The following GARIN1B variants were observed in gnomAD, a reference collection of about 807,000 sequenced individuals.
GARIN1B encodes golgi associated RAB2 interactor 1B.
the GARIN1B span, among the ~76,000 whole-genome samples, chr7:128,724,164 C>T: frequency 2.0e-5 from 3 of 151,664 alleles, no homozygotes; most frequent in African/African-American, 7.3e-5. Context: ...ACACACATCA[C>T]CACGCCCAGC....
chr7:128,718,699 A>T, the GARIN1B span: 1 of 1,113,540 alleles, frequency 9.0e-7, no homozygotes, highest in South Asian at 1.5e-5. Context: ...ATTGAGCAGC[A>T]CTGTGCTAAA....
At chr7:128,730,130 C>A in the GARIN1B span, 3 of 1,562,130 alleles carry the variant, frequency 1.9e-6, no homozygotes, top group Non-Finnish European at 2.6e-6. Flanking sequence ...AGCCTCAGGG[C>A]TGGGTCAGAT....
At chr7:128,716,016 G>A in the GARIN1B span, among the ~76,000 whole-genome samples, 3 of 152,312 alleles carry the variant, frequency 2.0e-5, no homozygotes, top group Admixed American at 6.5e-5. Flanking sequence ...AAAAAGAGAC[G>A]CTTCTTGAGA....
chr7:128,717,062 T>C, the GARIN1B span: 1 of 1,430,976 alleles, frequency 7.0e-7, no homozygotes. Context: ...TGGAGGTTGC[T>C]TGACTACTAA....
chr7:128,731,201 G>C, the GARIN1B span: 1 of 1,276,138 alleles, frequency 7.8e-7, no homozygotes, highest in Non-Finnish European at 1.1e-6. Context: ...TCGGGATGGA[G>C]AGTAGGAGAA....
the GARIN1B span, chr7:128,718,817 C>T: frequency 6.2e-7 from 1 of 1,610,636 alleles, no homozygotes; most frequent in African/African-American, 1.3e-5. Context: ...GTGTGTCTTC[C>T]CTGGTGGCTT....
At chr7:128,731,336 C>T in the GARIN1B span, 3 of 603,288 alleles carry the variant, frequency 5.0e-6, no homozygotes, top group East Asian at 8.4e-5. Context: ...CAGAGCTGGC[C>T]TAGCAAGATG....
the GARIN1B span, chr7:128,718,819 T>C: frequency 6.2e-7 from 1 of 1,611,278 alleles, no homozygotes; most frequent in Non-Finnish European, 8.5e-7. Flanking sequence ...GTGTCTTCCC[T>C]GGTGGCTTCA....
At chr7:128,712,975 CCT>C in the GARIN1B span, among the ~76,000 whole-genome samples, 91 of 152,212 alleles carry the variant, frequency 6.0e-4, no homozygotes, top group Non-Finnish European at 3.7e-4. Context: ...TTACAGGAGA[CCT>C]GTGCCCAACT....
the GARIN1B span, chr7:128,715,293 C>T: frequency 3.4e-6 from 5 of 1,456,724 alleles, no homozygotes; most frequent in Admixed American, 2.7e-5. Context: ...CTTCCCCTTC[C>T]TGCAGGTCTG....
At chr7:128,727,883 T>G in the GARIN1B span, among the ~76,000 whole-genome samples, 5 of 152,224 alleles carry the variant, frequency 3.3e-5, no homozygotes, top group Non-Finnish European at 7.3e-5. Flanking sequence ...TTTATAGGTT[T>G]GAGGGATATT....
chr7:128,719,890 G>T, the GARIN1B span, among the ~76,000 whole-genome samples: 1 of 151,574 alleles, frequency 6.6e-6, no homozygotes, highest in African/African-American at 2.4e-5. Flanking sequence ...AGTAGAGATG[G>T]GGTTTCACCA....
At chr7:128,723,249 T>TC in the GARIN1B span, 1 of 1,613,170 alleles carries the variant, frequency 6.2e-7, no homozygotes, top group Non-Finnish European at 8.5e-7. Context: ...CTCATTCAGC[T>TC]AATGACCAAG....
the GARIN1B span, chr7:128,731,296 C>T: frequency 1.5e-6 from 1 of 672,774 alleles, no homozygotes; most frequent in Non-Finnish European, 2.7e-6. Context: ...CGCCACTGCA[C>T]CTCGGCATAT....
the GARIN1B span, among the ~76,000 whole-genome samples, chr7:128,710,903 C>T: frequency 3.9e-5 from 6 of 152,158 alleles, no homozygotes; most frequent in Non-Finnish European, 8.8e-5. Flanking sequence ...GGTGATCCGC[C>T]CGCCTCAGCC....
At chr7:128,730,803 C>T in the GARIN1B span, among the ~76,000 whole-genome samples, 44 of 152,114 alleles carry the variant, frequency 2.9e-4, 1 homozygote, top group East Asian at 1.9e-3. Context: ...TGCACCACCA[C>T]GCCCAGCTAA....
At chr7:128,720,994 AAAAAAAAACC>A in the GARIN1B span, among the ~76,000 whole-genome samples, 342 of 126,396 alleles carry the variant, frequency 2.7e-3, no homozygotes, top group African/African-American at 9.2e-3. Flanking sequence ...AATTTCCACA[AAAAAAAAACC>A]TGTTAGAATT....
the GARIN1B span, among the ~76,000 whole-genome samples, chr7:128,724,290 C>T: frequency 6.6e-5 from 10 of 152,316 alleles, no homozygotes; most frequent in Admixed American, 3.9e-4. Flanking sequence ...GGACTACAGG[C>T]GTGAGCCACT....
chr7:128,728,050 G>A, the GARIN1B span, among the ~76,000 whole-genome samples: 1 of 152,080 alleles, frequency 6.6e-6, no homozygotes, highest in South Asian at 2.1e-4. Context: ...AATATCATAA[G>A]ATATTTATAA....
Sources: gnomAD v4.1 joint callset for allele counts (sites outside exome capture counted in the v4.1 genomes callset) on GRCh38, gnomAD v4.1.1 for gene constraint, MANE v1.5 for transcripts, NCBI Gene and HGNC (gene_info 2026-07-23, HGNC 2026-07-21) for gene names.